Variants in BTAF1 observed in about 807,000 individuals in gnomAD.
The protein encoded by BTAF1 is B-TFIID TATA-box binding protein associated factor 1, also known as TATA-binding protein-associated factor 172.
A neutral mutation model predicts 227.1 loss-of-function variants in BTAF1; 38 were observed. That is an observed-to-expected ratio of 0.17 (90% CI 0.13 to 0.22). BTAF1 has a LOEUF of 0.22. Among genes scored for constraint, BTAF1 ranks in the 10% least tolerant of loss-of-function variants. BTAF1 has a pLI of 1.00. For missense variants in BTAF1, 1,598 were observed against 2,204.0 expected (o/e 0.73, Z 5.51); for synonymous variants, 742 against 751.9 (o/e 0.99, Z 0.21).
intron 7 of BTAF1, 115 bp from the exon 8 acceptor site, chr10:91,957,110 T>G (rs1384868455): frequency 1.5e-6 from 1 of 688,088 alleles, no homozygotes; most frequent in Non-Finnish European, 2.3e-6. Flanking sequence ...AAAATTAAAT[T>G]TTTAAAAGCC....
At chr10:91,997,121 T>G (rs1161501441) in intron 24 of BTAF1, 1 of 1,285,392 alleles carries the variant, frequency 7.8e-7, no homozygotes, top group Non-Finnish European at 1.0e-6. Context: ...ATCAAATCAG[T>G]AGAAACTCTG....
chr10:91,953,714 T>G (rs368254371), intron 5 of BTAF1, 23 bp from the exon 6 acceptor site: 18 of 1,605,194 alleles, frequency 1.1e-5, no homozygotes, highest in Non-Finnish European at 1.5e-5. Context: ...AAGTTCCAAC[T>G]CAGCATTCTT....
At chr10:91,999,204 T>A (rs770529366) in intron 25 of BTAF1, among the ~76,000 whole-genome samples, 5 of 151,384 alleles carry the variant, frequency 3.3e-5, no homozygotes, top group African/African-American at 4.9e-5. Context: ...TAATTTTTTT[T>A]ATAAAACTGC....
chr10:92,026,826 G>T, intron 36 of BTAF1, 75 bp downstream of exon 36: 1 of 1,471,560 alleles, frequency 6.8e-7, no homozygotes, highest in South Asian at 1.3e-5. Flanking sequence ...AGGAAACCTT[G>T]GTTTAGTTCT....
At chr10:91,942,360 T>C in intron 3 of BTAF1, 62 bp from the exon 4 acceptor site, 1 of 1,415,392 alleles carries the variant, frequency 7.1e-7, no homozygotes. Context: ...AATGATATGC[T>C]ATTTTCTTTC....
intron 6 of BTAF1, among the ~76,000 whole-genome samples, chr10:91,954,758 A>G (rs768387064): frequency 3.3e-5 from 5 of 152,038 alleles, no homozygotes; most frequent in Admixed American, 6.5e-5. Context: ...AGGTCTTCCT[A>G]TGTTGCCTAG....
intron 19 of BTAF1, among the ~76,000 whole-genome samples, chr10:91,986,220 T>C (rs1364475677): frequency 6.6e-6 from 1 of 152,228 alleles, no homozygotes; most frequent in Non-Finnish European, 1.5e-5. Flanking sequence ...TTCATTTCCC[T>C]ATTGGATTGT....
chr10:92,017,959 G>A (rs1239554969), intron 33 of BTAF1, among the ~76,000 whole-genome samples: 2 of 152,188 alleles, frequency 1.3e-5, no homozygotes, highest in African/African-American at 2.4e-5. Context: ...TCAGAGAAGA[G>A]ACCATATAAG....
rs1589872326 is a variant in BTAF1, at chr10:91,982,929, T to C, written c.2223+168T>C. 2.0e-5 allele frequency among the ~76,000 whole-genome samples: 3 copies of C among 152,264 alleles called. No homozygotes were observed. In the East Asian group the frequency reaches 5.8e-4, roughly 29 times the overall value. On this transcript the variant is annotated intron_variant, in intron 18 of 37. Coordinates refer to ENST00000265990, the MANE Select transcript of BTAF1 (RefSeq NM_003972.3). Reference sequence around the variant, plus strand: ...AGATTATTTCTCTCCCATTTACTTTTAACTCTGGACTTTTGTCTTAGAACC... The same window carrying C: ...AGATTATTTCTCTCCCATTTACTTTCAACTCTGGACTTTTGTCTTAGAACC...
At chr10:92,009,243 C>A in intron 28 of BTAF1, 35 bp downstream of exon 28, 1 of 1,586,584 alleles carries the variant, frequency 6.3e-7, no homozygotes, top group Non-Finnish European at 8.6e-7. Context: ...AATATTTCAT[C>A]TGTTGTCATA....
At chr10:92,019,791 T>A (rs1282875123) in intron 34 of BTAF1, among the ~76,000 whole-genome samples, 13 of 152,218 alleles carry the variant, frequency 8.5e-5, no homozygotes, top group Admixed American at 8.5e-4. Context: ...ATTGGACATT[T>A]CCATATCTTC....
Position 91,971,565 on chromosome 10 carries a change from C to T in BTAF1, c.1650+4808C>T, listed in dbSNP as rs553755341. ...TTGGCTCCCTGCAACCGCTGCCTCC[C>T]GGGTTCAAACGATTTCCTTCCTCAG... On this transcript the variant is annotated intron_variant, in intron 14 of 37. Transcript: ENST00000265990. Among the ~76,000 whole-genome samples, 13 of 151,318 alleles carry T rather than the reference C, an allele frequency of 8.6e-5. No homozygotes were observed. In the South Asian group the frequency reaches 2.3e-3, roughly 27 times the overall value.
rs1554851556 is a variant in BTAF1 at position 91,950,148 on chromosome 10, T to TGTTGGGG, written c.401-1254_401-1253insTTGGGGG. 4.1e-4 allele frequency among the ~76,000 whole-genome samples: 10 copies of TGTTGGGG among 24,426 alleles called. No individual in the cohort carries two copies. The East Asian group carries it at 5.0e-3, about 12-fold the overall frequency. The allele number at this position is 24,426 out of a possible 152,430, so 16.0% of individuals were successfully genotyped here. ...TCAGAGTGAGAGACCTTGTCCTTTGTGGGGGGGGGCGGGAAAGAAGACTAG... is the reference window on the plus strand; with the variant it reads ...TCAGAGTGAGAGACCTTGTCCTTTGTGTTGGGGGGGGGGGGGCGGGAAAGAAGACTAG... On this transcript the variant is annotated intron_variant, in intron 4 of 37. Transcript: ENST00000265990.
At chr10:91,960,331 A>G (rs148094441) in intron 11 of BTAF1, among the ~76,000 whole-genome samples, 177 bp downstream of exon 11, 2 of 152,352 alleles carry the variant, frequency 1.3e-5, no homozygotes, top group Admixed American at 1.3e-4. Flanking sequence ...GAATTTAAGT[A>G]TAAATCAAAA....
chr10:92,009,112 C>T lies in BTAF1; in HGVS notation c.4007C>T (p.Thr1336Ile). The stretch of plus-strand genomic sequence containing the variant: ...CCTTCCTTAGTGGTTTGTCCGCCAA[C>T]ATTAACAGGCCATTGGGTGGATGAA... ...PLPSLVVCPPTLTGHWVDEVG... is the reference protein window; with the variant it reads ...PLPSLVVCPPILTGHWVDEVG... The change falls in exon 28 of 38, where the codon ACA (threonine) becomes ATA (isoleucine). Residue 1336 changes from threonine (T) to isoleucine (I), a missense_variant. Physicochemically the swap from Thr to Ile is moderately conservative, Grantham distance 89. Around this residue, in one of 10 missense-constraint regions of BTAF1, gnomAD observed 184 missense variants for 341.1 expected, o/e 0.54. Transcript: ENST00000265990. 6.2e-7 allele frequency: 1 copy of T among 1,614,122 alleles called. No individual in the cohort carries two copies. Among genetic ancestry groups the T allele is most frequent in the East Asian group, 2.2e-5 (1 of 44,864 alleles).
chr10:91,960,603 T>TA (rs397689947), intron 11 of BTAF1, among the ~76,000 whole-genome samples: 2 of 151,716 alleles, frequency 1.3e-5, no homozygotes, highest in Admixed American at 6.6e-5. Context: ...TTTTTTTTTT[T>TA]AATCCTTTAT....
At chr10:91,995,380 TA>T (rs1316941592) in intron 23 of BTAF1, among the ~76,000 whole-genome samples, 1 of 152,076 alleles carries the variant, frequency 6.6e-6, no homozygotes, top group Non-Finnish European at 1.5e-5. Flanking sequence ...GATTTACTGT[TA>T]GTAAAGAAAA....
intron 34 of BTAF1, among the ~76,000 whole-genome samples, chr10:92,022,754 G>A (rs763121584): frequency 3.3e-5 from 5 of 152,068 alleles, no homozygotes; most frequent in South Asian, 2.1e-4. Context: ...ACATAGTCAC[G>A]TCTCTCCTGA....
At chr10:92,026,893 G>C (rs1371944523) in intron 36 of BTAF1, 142 bp downstream of exon 36, 1 of 1,006,468 alleles carries the variant, frequency 9.9e-7, no homozygotes, top group East Asian at 2.6e-5. Flanking sequence ...TAACTCTTCT[G>C]TGGTATCACT....
Sources: allele counts gnomAD v4.1 joint callset (sites outside exome capture counted in the v4.1 genomes callset), GRCh38; gene constraint gnomAD v4.1.1; regional missense constraint gnomAD v4.1.1; transcripts MANE v1.5; gene names NCBI Gene and HGNC (gene_info 2026-07-23, HGNC 2026-07-21).